The following CPT2 variants were observed in gnomAD, a reference collection of about 807,000 sequenced individuals.
CPT2 encodes the protein carnitine O-palmitoyltransferase 2, mitochondrial.
In CPT2, 37 loss-of-function variants were observed where a neutral mutation model predicts 48.6. The ratio of observed to expected loss-of-function variants is 0.76; its 90% confidence interval spans 0.59 to 1.00. The LOEUF is 1.00. Ranked by LOEUF, CPT2 falls within the 50% of genes least tolerant of loss-of-function variation. The pLI is 0.00. For missense variants in CPT2, 772 were observed against 825.6 expected, an observed-to-expected ratio of 0.94 and a Z score of 0.80; for synonymous variants, 319 against 326.9, an observed-to-expected ratio of 0.98 and a Z score of 0.26.
intron 3 of CPT2, among the ~76,000 whole-genome samples, chr1:53,206,482 C>G (rs1273609395): frequency 6.6e-6 from 1 of 152,220 alleles, no homozygotes; most frequent in African/African-American, 2.4e-5. Context: ...CCTGTAAAAG[C>G]AACCATGGGG....
At position 53,210,761 on chromosome 1, in the gene CPT2, G is replaced by T. The variant is rs1382591791; in HGVS notation, c.1087G>T (p.Asp363Tyr). 2 of 1,614,146 alleles carry T rather than the reference G, an allele frequency of 1.2e-6. No individual in the cohort carries two copies. Residue 363 changes from aspartate to tyrosine, a missense_variant, in exon 4 of 5, where the codon GAT (aspartate) becomes TAT (tyrosine). Physicochemically the swap from Asp to Tyr is radical, Grantham distance 160. Coordinates refer to ENST00000371486, the MANE Select transcript of CPT2 (RefSeq NM_000098.3). ...ATCCTTTAACCTCATTATCGCCAAG[G>T]ATGGCTCTACTGCCGTCCACTTTGA... The part of the protein sequence containing the change: ...DKSFNLIIAK[D>Y]GSTAVHFEHS...
In CPT2 at chr1:53,213,135, A is replaced by G. The variant is rs939517995; in HGVS notation, c.1646-129A>G. The stretch of plus-strand genomic sequence containing the variant: ...GAAGGTTAGTCAGTTGGTGGTGTGC[A>G]TAGAGGTAGAGCCTTCCCCCACTCT... On this transcript the variant is annotated intron_variant, in intron 4 of 4. Coordinates refer to ENST00000371486, the MANE Select transcript of CPT2 (RefSeq NM_000098.3). 1.1e-5 allele frequency: 9 copies of G among 818,292 alleles called. 1 individual carries two copies. The African/African-American group carries it at 1.5e-4, about 14-fold the overall frequency. The allele number at this position is 818,292 out of a possible 1,614,324, so 50.7% of individuals were successfully genotyped here.
At position 53,210,439 on chromosome 1, in the gene CPT2, T is replaced by C; in HGVS notation, c.765T>C (p.Asp255=). Reference sequence around the variant, plus strand: ...GGAAAGGAAATTTTTATATCTTTGATGTCCTGGATCAAGATGGGAACATTG... The same window carrying C: ...GGAAAGGAAATTTTTATATCTTTGACGTCCTGGATCAAGATGGGAACATTG... ...VLRKGNFYIF[D]VLDQDGNIVS... is the part of the protein sequence containing the mutation. The change falls in exon 4 of 5, where the codon GAT becomes GAC. Residue 255 remains aspartate, a synonymous_variant. Transcript: ENST00000371486. 1 of 1,614,178 alleles carries C rather than the reference T, an allele frequency of 6.2e-7. No homozygotes were observed. Among genetic ancestry groups the C allele is most frequent in the Non-Finnish European group, 8.5e-7 (1 of 1,180,044 alleles).
At chr1:53,211,890 C>T (rs902666017) in intron 4 of CPT2, among the ~76,000 whole-genome samples, 19 of 151,354 alleles carry the variant, frequency 1.3e-4, no homozygotes, top group African/African-American at 3.1e-4. Context: ...TGAGCCACCG[C>T]ACCTGGCCTT....
intron 1 of CPT2, among the ~76,000 whole-genome samples, chr1:53,198,585 C>G (rs1364227980): frequency 6.6e-6 from 1 of 152,228 alleles, no homozygotes; most frequent in African/African-American, 2.4e-5. Flanking sequence ...CTGACAGAAC[C>G]TGTCTTCACT....
chr1:53,210,321 A>G lies in CPT2; in HGVS notation c.647A>G (p.Gln216Arg). Residue 216 changes from glutamine to arginine, a missense_variant, in exon 4 of 5, where the codon CAG becomes CGG. Physicochemically the swap from Gln to Arg is conservative, Grantham distance 43 (BLOSUM62 1). Coordinates refer to ENST00000371486, the MANE Select transcript of CPT2 (RefSeq NM_000098.3). ...LVNAYPLDMS[Q>R]YFRLFNSTRL... is the part of the protein sequence containing the mutation. ...AATGCGTATCCCCTGGATATGTCCC[A>G]GTATTTTCGGCTTTTCAACTCAACT... 1 of 1,614,160 alleles carries G rather than the reference A, an allele frequency of 6.2e-7. No individual in the cohort carries two copies. The highest frequency in any genetic ancestry group is 2.2e-5 in the East Asian group (1 of 44,878).
At chr1:53,206,619 G>T (rs1645391424) in intron 3 of CPT2, among the ~76,000 whole-genome samples, 1 of 152,242 alleles carries the variant, frequency 6.6e-6, no homozygotes, top group Non-Finnish European at 1.5e-5. Context: ...TTTAATGGCT[G>T]CCCTGCTGGA....
In CPT2 at chr1:53,210,582, G is replaced by A. The variant is rs751558734; in HGVS notation, c.908G>A (p.Arg303Lys). Residue 303 changes from arginine (R) to lysine (K), a missense_variant, in exon 4 of 5, where the codon AGG (arginine) becomes AAG (lysine). Arg to Lys is a conservative substitution (Grantham distance 26). Transcript: ENST00000371486. ...AACCGAGACATCTGGGCAGAGCTCAGGCAGAAGCTGATGAGTAGTGGCAAT... is the reference window on the plus strand; with the variant it reads ...AACCGAGACATCTGGGCAGAGCTCAAGCAGAAGCTGATGAGTAGTGGCAAT... Reference protein sequence around the residue: ...SENRDIWAELRQKLMSSGNEE... With the variant: ...SENRDIWAELKQKLMSSGNEE... 6.2e-6 allele frequency: 10 copies of A among 1,614,158 alleles called. No individual in the cohort carries two copies. The highest frequency in any genetic ancestry group is 8.5e-6 in the Non-Finnish European group (10 of 1,180,040).
intron 3 of CPT2, 100 bp from the exon 4 acceptor site, chr1:53,209,915 C>A: frequency 1.0e-6 from 1 of 967,842 alleles, no homozygotes; most frequent in Non-Finnish European, 1.6e-6. Flanking sequence ...GAGGTTGATG[C>A]CATTTCCTTT....
chr1:53,210,652 C>G lies in CPT2; in HGVS notation c.978C>G (p.Cys326Trp). The G allele has an allele frequency of 6.2e-7, 1 of 1,614,168 alleles. No individual in the cohort carries two copies. The highest frequency in any genetic ancestry group is 1.6e-4 in the Middle Eastern group (1 of 6,062). ...TGGACTCGGCAGTGTTCTGTCTCTG[C>G]CTAGATGACTTCCCCATTAAGGACC... ...RKVDSAVFCL[C>W]LDDFPIKDLV... Residue 326 changes from cysteine to tryptophan, a missense_variant, in exon 4 of 5, where the codon TGC becomes TGG. Coordinates refer to ENST00000371486, the MANE Select transcript of CPT2 (RefSeq NM_000098.3).
chr1:53,197,455 G>A (rs938386284), intron 1 of CPT2: 2 of 375,516 alleles, frequency 5.3e-6, no homozygotes, highest in Non-Finnish European at 1.0e-5. Context: ...CCTCGACTAT[G>A]GTGTCTCCTG....
chr1:53,200,637 AG>A, intron 1 of CPT2, 81 bp from the exon 2 acceptor site: 1 of 1,034,412 alleles, frequency 9.7e-7, no homozygotes, highest in East Asian at 2.4e-5. Context: ...TTAATGATCT[AG>A]TAATCAGTTC....
At chr1:53,213,058 T>A (rs1249244719) in intron 4 of CPT2, 1 of 604,826 alleles carries the variant, frequency 1.7e-6, no homozygotes, top group Non-Finnish European at 2.9e-6. Flanking sequence ...AAATGTAACA[T>A]GACATAATAT....
chr1:53,213,602 G>A lies in CPT2; in HGVS notation c.*7G>A, dbSNP rs377159044. The stretch of plus-strand genomic sequence containing the variant: ...CAAATCCATCAAAAGTTAACTTCTG[G>A]GCAGATGAAAAGCTACCATCACTTC... On this transcript the variant is annotated 3_prime_UTR_variant, in exon 5 of 5. Transcript: ENST00000371486. 6.8e-6 allele frequency: 11 copies of A among 1,611,012 alleles called. No homozygotes were observed. Among genetic ancestry groups the A allele is most frequent in the Non-Finnish European group, 9.3e-6 (11 of 1,178,886 alleles).
intron 3 of CPT2, among the ~76,000 whole-genome samples, chr1:53,206,211 C>T (rs1645388714): frequency 6.7e-6 from 1 of 150,078 alleles, no homozygotes; most frequent in Non-Finnish European, 1.5e-5. Context: ...AAAGAGACAA[C>T]CTCCTCCTAC....
intron 4 of CPT2, among the ~76,000 whole-genome samples, chr1:53,212,059 A>G (rs113045229): frequency 1.7e-5 from 2 of 118,132 alleles, no homozygotes; most frequent in African/African-American, 3.1e-5. Context: ...TGCCCAGCTG[A>G]TATTTTAATT....
intron 4 of CPT2, 108 bp from the exon 5 acceptor site, chr1:53,213,156 A>C: frequency 9.6e-7 from 1 of 1,047,042 alleles, no homozygotes; most frequent in African/African-American, 1.6e-5. Context: ...GCCTTCCCCC[A>C]CTCTCAAGGA....
rs727503888 is a variant in CPT2, at chr1:53,210,627, T to G, written c.953T>G (p.Val318Gly). ...SSGNEESLRKVDSAVFCLCLD... is the reference protein window; with the variant it reads ...SSGNEESLRKGDSAVFCLCLD... ...GGCAATGAGGAGAGCCTGAGGAAAGTGGACTCGGCAGTGTTCTGTCTCTGC... is the reference window on the plus strand; with the variant it reads ...GGCAATGAGGAGAGCCTGAGGAAAGGGGACTCGGCAGTGTTCTGTCTCTGC... Residue 318 changes from valine to glycine, a missense_variant, in exon 4 of 5, where the codon GTG (valine) becomes GGG (glycine). Val to Gly is a moderately radical substitution (Grantham distance 109, BLOSUM62 -3). Coordinates refer to ENST00000371486, the MANE Select transcript of CPT2 (RefSeq NM_000098.3). The G allele has an allele frequency of 5.0e-6, 8 of 1,614,080 alleles. No homozygotes were observed. The highest frequency in any genetic ancestry group is 1.3e-5 in the African/African-American group (1 of 74,990).
At chr1:53,199,423 C>G (rs1337883871) in intron 1 of CPT2, among the ~76,000 whole-genome samples, 1 of 152,200 alleles carries the variant, frequency 6.6e-6, no homozygotes, top group Non-Finnish European at 1.5e-5. Context: ...CTCCTGGACT[C>G]GAGCAATCTG....
Sources: gnomAD v4.1 joint callset for allele counts (sites outside exome capture counted in the v4.1 genomes callset) on GRCh38, gnomAD v4.1.1 for gene constraint, MANE v1.5 for transcripts, NCBI Gene and HGNC (gene_info 2026-07-23, HGNC 2026-07-21) for gene names.